Variants in USP30 observed in about 807,000 individuals in gnomAD.
The protein encoded by USP30 is ubiquitin specific peptidase 30.
A neutral mutation model predicts 68.2 loss-of-function variants in USP30; 41 were observed. That is an observed-to-expected ratio of 0.60 (90% confidence interval 0.47 to 0.78). The LOEUF is 0.78. USP30 is among the 30% of genes least tolerant of loss of function. The probability of loss-of-function intolerance (pLI) is 0.00; values close to 1 mark genes in which losing one functional copy is unlikely to be tolerated. For missense variants in USP30, 522 were observed against 649.4 expected (o/e 0.80, Z 2.13); for synonymous variants, 229 against 253.7 (o/e 0.90, Z 0.93).
intron 3 of USP30, among the ~76,000 whole-genome samples, chr12:109,039,338 A>G (rs1264310986): frequency 1.3e-5 from 2 of 152,042 alleles, no homozygotes; most frequent in Non-Finnish European, 2.9e-5. Flanking sequence ...ATAGTTCTCT[A>G]TGGTTTATTT....
intron 7 of USP30, 73 bp from the exon 8 acceptor site, chr12:109,081,261 C>A: frequency 1.4e-6 from 2 of 1,404,546 alleles, no homozygotes; most frequent in South Asian, 1.2e-5. Flanking sequence ...GTTTCATAGT[C>A]ACATATCTTG....
chr12:109,067,002 C>G (rs2041274656), intron 3 of USP30, among the ~76,000 whole-genome samples: 1 of 151,826 alleles, frequency 6.6e-6, no homozygotes, highest in Non-Finnish European at 1.5e-5. Flanking sequence ...TGAAAAATTA[C>G]ATTCATTCAG....
At chr12:109,051,590 G>C (rs1349892527), upstream of USP30, among the ~76,000 whole-genome samples, 2 of 96,066 alleles carry the variant, frequency 2.1e-5, 1 homozygote, top group South Asian at 6.7e-4. Context: ...TTTTTTTTGA[G>C]ATGGAGTCTG....
At chr12:109,051,249 C>CTTTTTTTTTT (rs138942249), upstream of USP30, among the ~76,000 whole-genome samples, 1 of 63,566 alleles carries the variant, frequency 1.6e-5, no homozygotes, top group Non-Finnish European at 2.6e-5. Context: ...TTACCTCTTG[C>CTTTTTTTTTT]TTTTTTTTTT....
At chr12:109,047,861 T>G (rs761743754), upstream of USP30, 1 of 152,138 alleles carries the variant, frequency 6.6e-6, no homozygotes, top group Non-Finnish European at 1.5e-5. Context: ...CTAATTTTAG[T>G]ATTCACCCAG....
At chr12:109,048,564 AC>A (rs1288816642), upstream of USP30, among the ~76,000 whole-genome samples, 3 of 151,126 alleles carry the variant, frequency 2.0e-5, no homozygotes, top group African/African-American at 7.3e-5. Flanking sequence ...ACATGGCGAA[AC>A]CCCATCTCTA....
At position 109,058,071 on chromosome 12, in the gene USP30, C is replaced by A. The variant is rs775670436; in HGVS notation, c.339C>A (p.His113Gln). ...GGGATCAGAAGGAGCCCCCCTCACA[C>A]CAGTATTTATCCTTAACACTCTTGC... Reference protein sequence around the residue: ...YSRDQKEPPSHQYLSLTLLHL... With the variant: ...YSRDQKEPPSQQYLSLTLLHL... Residue 113 changes from histidine to glutamine, a missense_variant, in exon 3 of 13, where the codon CAC becomes CAA. Transcript: ENST00000257548. 2 of 1,613,818 alleles carry A rather than the reference C, an allele frequency of 1.2e-6. No homozygotes were observed. Among genetic ancestry groups the A allele is most frequent in the African/African-American group, 2.7e-5 (2 of 74,892 alleles).
At chr12:109,040,387 G>A (rs1017515028) in intron 3 of USP30, among the ~76,000 whole-genome samples, 1 of 152,186 alleles carries the variant, frequency 6.6e-6, no homozygotes, top group Admixed American at 6.5e-5. Context: ...GAGGTAGTTG[G>A]TATAAAGTCC....
intron 8 of USP30, chr12:109,081,698 G>A: frequency 1.6e-6 from 1 of 607,138 alleles, no homozygotes; most frequent in Admixed American, 3.0e-5. Context: ...ACCTAAAACA[G>A]CGTGGAAGTC....
chr12:109,044,649 TA>T (rs904169116), intron 3 of USP30, among the ~76,000 whole-genome samples: 35 of 151,200 alleles, frequency 2.3e-4, no homozygotes, highest in Admixed American at 2.0e-3. Flanking sequence ...AAAATAAAAA[TA>T]AAAAAAAGAA....
chr12:109,039,208 A>G (rs2040544480), intron 3 of USP30, among the ~76,000 whole-genome samples: 1 of 152,172 alleles, frequency 6.6e-6, no homozygotes, highest in Non-Finnish European at 1.5e-5. Context: ...CGTTTTCCTC[A>G]GAAAGTTTTA....
Position 109,085,032 on chromosome 12 carries a change from A to C in USP30, c.1248A>C (p.Ser416=). The C allele has an allele frequency of 6.2e-7, 1 of 1,605,212 alleles. No homozygotes were observed. The highest frequency in any genetic ancestry group is 1.1e-5 in the South Asian group (1 of 89,474). The change falls in exon 12 of 13, where the codon TCA becomes TCC. Residue 416 remains serine, a synonymous_variant. Transcript: ENST00000257548. ...ACSPSLLPTL[S]APMPFPLPVV... is the part of the protein sequence containing the mutation. ...CCCCATCTTTATTGCCAACGCTGTC[A>C]GCGCCGATGCCCTTCCCTCTCCCAG...
chr12:109,023,649 T>TTTTG (rs2040423383), intron 1 of USP30, among the ~76,000 whole-genome samples: 1 of 143,768 alleles, frequency 7.0e-6, no homozygotes, highest in Non-Finnish European at 1.5e-5. Flanking sequence ...TTTTTTTTTT[T>TTTTG]TTGAGACAGA....
At chr12:109,036,871 C>G (rs2040524753) in intron 3 of USP30, among the ~76,000 whole-genome samples, 1 of 152,012 alleles carries the variant, frequency 6.6e-6, no homozygotes, top group Admixed American at 6.6e-5. Flanking sequence ...CTTTGGCTTC[C>G]TACTGTTTAA....
chr12:109,040,458 C>T (rs942882717), intron 3 of USP30, among the ~76,000 whole-genome samples: 1 of 152,156 alleles, frequency 6.6e-6, no homozygotes, highest in Non-Finnish European at 1.5e-5. Flanking sequence ...AGAAATTACC[C>T]CCAAAACTTA....
intron 2 of USP30, 22 bp downstream of exon 2, chr12:109,056,813 C>T: frequency 6.4e-7 from 1 of 1,557,508 alleles, no homozygotes; most frequent in South Asian, 1.1e-5. Context: ...AACACTGCAT[C>T]ATGGTCTGTA....
At position 109,086,787 on chromosome 12, in the gene USP30, G is replaced by A. The variant is rs1448975274; in HGVS notation, c.*856G>A. The A allele has an allele frequency of 6.6e-6, 1 of 152,174 alleles. No homozygotes were observed. The highest frequency in any genetic ancestry group is 1.5e-5 in the Non-Finnish European group (1 of 68,044). The allele number at this position is 152,174 out of a possible 1,614,324, so 9.4% of individuals were successfully genotyped here. On this transcript the variant is annotated 3_prime_UTR_variant, in exon 13 of 13. Transcript: ENST00000257548. ...GGTTACTTTCATCTGTTTATTTATT[G>A]CCCATGCAGAGCTCTTAAGGTTTAC...
At chr12:109,054,091 G>A (rs1159481595) in intron 1 of USP30, 5 of 455,388 alleles carry the variant, frequency 1.1e-5, no homozygotes, top group South Asian at 7.8e-5. Flanking sequence ...TTAAATATTA[G>A]TGTTTGATTA....
chr12:109,082,786 T>C, intron 10 of USP30, 43 bp downstream of exon 10: 1 of 1,609,754 alleles, frequency 6.2e-7, no homozygotes, highest in East Asian at 2.2e-5. Flanking sequence ...TTTTGAGGAC[T>C]CCGTGTATCC....
Sources: gnomAD v4.1 joint callset for allele counts (sites outside exome capture counted in the v4.1 genomes callset) on GRCh38, gnomAD v4.1.1 for gene constraint, MANE v1.5 for transcripts, NCBI Gene and HGNC (gene_info 2026-07-23, HGNC 2026-07-21) for gene names.